TXNRD3: variants seen among roughly 807,000 people sequenced by gnomAD.
TXNRD3 encodes TXNRD3 neighbor gene protein.
In TXNRD3, 68 loss-of-function variants were observed where a neutral mutation model predicts 78.2. The ratio of observed to expected loss-of-function variants is 0.87; its 90% CI spans 0.72 to 1.06. The LOEUF is 1.06. TXNRD3 is among the 50% of genes least tolerant of loss of function. The pLI is 0.00. For missense variants in TXNRD3, 751 were observed against 809.5 expected (o/e 0.93, Z 0.88); for synonymous variants, 296 against 300.1 (o/e 0.99, Z 0.14).
At chr3:126,650,411 G>A (rs1178593858) in intron 1 of TXNRD3, among the ~76,000 whole-genome samples, 3 of 54,568 alleles carry the variant, frequency 5.5e-5, no homozygotes, top group African/African-American at 1.1e-4. Context: ...GGGAGGCCAG[G>A]CGGTGGATCA....
chr3:126,618,547 A>C (rs749251056), intron 12 of TXNRD3, among the ~76,000 whole-genome samples: 40 of 152,204 alleles, frequency 2.6e-4, no homozygotes, highest in African/African-American at 9.2e-4. Context: ...ATATCTCACC[A>C]TGTGGAAAAA....
chr3:126,650,497 G>C (rs562561364), intron 1 of TXNRD3, among the ~76,000 whole-genome samples: 59 of 152,102 alleles, frequency 3.9e-4, no homozygotes, highest in African/African-American at 1.3e-3. Flanking sequence ...AAAAATTACT[G>C]AGGTGTGGTG....
At chr3:126,646,804 G>A (rs1412411067) in intron 2 of TXNRD3, among the ~76,000 whole-genome samples, 1 of 152,180 alleles carries the variant, frequency 6.6e-6, no homozygotes, top group Non-Finnish European at 1.5e-5. Flanking sequence ...CTCCTTATGT[G>A]TAAAGTGCTG....
At chr3:126,645,181 T>C (rs576973278) in intron 3 of TXNRD3, among the ~76,000 whole-genome samples, 42 of 152,230 alleles carry the variant, frequency 2.8e-4, no homozygotes, top group Non-Finnish European at 4.7e-4. Flanking sequence ...AAGAAGGTTT[T>C]AGGGACATTC....
Position 126,633,962 on chromosome 3 carries a change from C to A in TXNRD3, c.802G>T (p.Ala268Ser). 1.3e-6 allele frequency: 2 copies of A among 1,520,858 alleles called. No individual in the cohort carries two copies. Among genetic ancestry groups the A allele is most frequent in the Non-Finnish European group, 1.8e-6 (2 of 1,137,956 alleles). 94.2% of individuals were successfully genotyped at this position (1,520,858 alleles called of 1,614,324 possible). The change falls in exon 7 of 16, where the codon GCT (alanine) becomes TCT (serine). Residue 268 changes from alanine (A) to serine (S), a missense_variant. By Grantham distance (99) the Ala-to-Ser change is moderately conservative. Coordinates refer to ENST00000524230, the MANE Select transcript of TXNRD3 (RefSeq NM_052883.3). ...CCATAGGAATTGACATAGGCCACAGCCTTTTCCCTCAGAGACAACCTGTAG... is the reference window on the plus strand; with the variant it reads ...CCATAGGAATTGACATAGGCCACAGACTTTTCCCTCAGAGACAACCTGTAG...
In TXNRD3 at chr3:126,630,829, G is replaced by A; in HGVS notation, c.1080C>T (p.Val360=). Reference sequence around the variant, plus strand: ...GAAGGATTGAGCGTACCATAACTGTGACATCTAGGCCAAAGCCAGCCAGAA... The same window carrying A: ...GAAGGATTGAGCGTACCATAACTGTAACATCTAGGCCAAAGCCAGCCAGAA... Residue 360 remains valine, a synonymous_variant, in exon 9 of 16, where the codon GTC becomes GTT. Transcript: ENST00000524230. The A allele has an allele frequency of 2.0e-6, 3 of 1,535,794 alleles. No individual in the cohort carries two copies. In the South Asian group the frequency reaches 3.6e-5, roughly 18 times the overall value.
At chr3:126,623,165 ACT>A (rs1274178807) in intron 10 of TXNRD3, among the ~76,000 whole-genome samples, 1 of 152,210 alleles carries the variant, frequency 6.6e-6, no homozygotes, top group Non-Finnish European at 1.5e-5. Context: ...GCCCTGGCAA[ACT>A]AATATGTCCT....
chr3:126,608,068 T>A, intron 15 of TXNRD3, 95 bp from the exon 16 acceptor site: 1 of 994,172 alleles, frequency 1.0e-6, no homozygotes, highest in South Asian at 2.2e-5. Flanking sequence ...TTCTTTAAAA[T>A]ATACAAATCT....
intron 9 of TXNRD3, 101 bp from the exon 10 acceptor site, chr3:126,629,572 G>C: frequency 1.1e-6 from 1 of 881,354 alleles, no homozygotes; most frequent in South Asian, 1.9e-5. Flanking sequence ...TGTGTGTTTG[G>C]TGGTGGTACA....
chr3:126,621,923 A>T (rs1284650359), intron 11 of TXNRD3, 25 bp from the exon 12 acceptor site: 2 of 1,479,732 alleles, frequency 1.4e-6, no homozygotes, highest in South Asian at 2.7e-5. Flanking sequence ...AATGGGAAAA[A>T]ATATATATTA....
chr3:126,632,250 G>C (rs1938735344), intron 7 of TXNRD3, among the ~76,000 whole-genome samples: 1 of 152,164 alleles, frequency 6.6e-6, no homozygotes, highest in Admixed American at 6.5e-5. Context: ...AGACTGGAGA[G>C]CAGGGTTGTG....
intron 1 of TXNRD3, among the ~76,000 whole-genome samples, chr3:126,653,278 C>G (rs546498469): frequency 1.6e-4 from 25 of 152,130 alleles, no homozygotes; most frequent in Non-Finnish European, 2.6e-4. Flanking sequence ...TTCCAAGAAC[C>G]TATCAACAAT....
At chr3:126,615,029 C>T (rs1053819868) in intron 13 of TXNRD3, among the ~76,000 whole-genome samples, 9 of 152,256 alleles carry the variant, frequency 5.9e-5, no homozygotes, top group East Asian at 1.9e-4. Flanking sequence ...CCTTACCACC[C>T]GTAGCCATTC....
At chr3:126,648,502 G>A (rs552231509) in intron 1 of TXNRD3, among the ~76,000 whole-genome samples, 10 of 152,252 alleles carry the variant, frequency 6.6e-5, no homozygotes, top group East Asian at 3.9e-4. Context: ...ACAGGCTTAT[G>A]GACCAAGGAA....
chr3:126,623,892 A>G (rs1477818987), intron 10 of TXNRD3, among the ~76,000 whole-genome samples: 1 of 151,072 alleles, frequency 6.6e-6, no homozygotes, highest in East Asian at 2.0e-4. Context: ...TGCAGACTGG[A>G]AAGGAAGAAA....
intron 7 of TXNRD3, among the ~76,000 whole-genome samples, chr3:126,632,124 G>T (rs1938730598): frequency 6.6e-6 from 1 of 152,186 alleles, no homozygotes; most frequent in Non-Finnish European, 1.5e-5. Flanking sequence ...ATTAAAGAAG[G>T]AGTAGAGATT....
intron 12 of TXNRD3, among the ~76,000 whole-genome samples, chr3:126,616,911 A>G (rs1938331892): frequency 6.6e-6 from 1 of 152,036 alleles, no homozygotes; most frequent in South Asian, 2.1e-4. Context: ...CCAAGAATTT[A>G]TTTTCTTTTC....
chr3:126,630,907 A>G lies in TXNRD3; in HGVS notation c.1002T>C (p.Pro334=). Residue 334 remains proline, a synonymous_variant, in exon 9 of 16, where the codon CCT becomes CCC. Transcript: ENST00000524230. ...AGGCACCCACCACTAATGTTTTGCC[A>G]GGGCAATAAGGCAGAGAAAAAAGGT... 2 of 1,536,186 alleles carry G rather than the reference A, an allele frequency of 1.3e-6. No individual in the cohort carries two copies. The highest frequency in any genetic ancestry group is 1.7e-6 in the Non-Finnish European group (2 of 1,146,888).
At chr3:126,647,422 G>T in intron 1 of TXNRD3, 126 bp from the exon 2 acceptor site, 1 of 651,386 alleles carries the variant, frequency 1.5e-6, no homozygotes, top group Non-Finnish European at 2.6e-6. Context: ...CCAACGTGTG[G>T]TTTTTGTTTT....
Sources: gnomAD v4.1 joint callset for allele counts (sites outside exome capture counted in the v4.1 genomes callset) on GRCh38, gnomAD v4.1.1 for gene constraint, MANE v1.5 for transcripts, NCBI Gene and HGNC (gene_info 2026-07-23, HGNC 2026-07-21) for gene names.